EYS: variants seen among roughly 807,000 people sequenced by gnomAD.
EYS encodes the protein EGF-like photoreceptor maintenance factor.
Under a neutral mutation model 282.1 loss-of-function variants are expected in EYS, and 250 were observed. The ratio of observed to expected loss-of-function variants is 0.89; its 90% CI spans 0.80 to 0.98. The LOEUF is 0.98. Ranked by LOEUF, EYS falls within the 50% of genes least tolerant of loss-of-function variation. The pLI is 0.00. For missense variants in EYS, 4,016 were observed against 3,709.0 expected (o/e 1.08, Z -2.15); for synonymous variants, 1,355 against 1,282.9 (o/e 1.06, Z -1.20).
At chr6:64,302,352 T>A (rs1769265563) in intron 30 of EYS, among the ~76,000 whole-genome samples, 1 of 152,166 alleles carries the variant, frequency 6.6e-6, no homozygotes, top group Admixed American at 6.5e-5. Context: ...AGGGTTCTAG[T>A]CCTCTAATCA....
chr6:65,287,194 T>A lies in EYS; in HGVS notation c.2023+8669A>T, dbSNP rs532866625. Among the ~76,000 whole-genome samples the A allele has an allele frequency of 2.0e-5, 3 of 151,590 alleles. No homozygotes were observed. The East Asian group carries it at 5.8e-4, about 29-fold the overall frequency. ...AAACAGAATCAGAAACCAGGTCTCC[T>A]TTAGCTACTTTGGTACAGAATGAAT... On this transcript the variant is annotated intron_variant, in intron 12 of 42. Coordinates refer to ENST00000503581, the MANE Select transcript of EYS (RefSeq NM_001142800.2).
intron 2 of EYS, among the ~76,000 whole-genome samples, chr6:65,508,222 C>A (rs1323781000): frequency 6.6e-6 from 1 of 152,150 alleles, no homozygotes; most frequent in Admixed American, 6.5e-5. Context: ...CTATGATTTG[C>A]AGCTTTCAAC....
intron 2 of EYS, among the ~76,000 whole-genome samples, chr6:65,499,905 A>C (rs1182763173): frequency 6.6e-6 from 1 of 151,976 alleles, no homozygotes; most frequent in Non-Finnish European, 1.5e-5. Context: ...TCTTTAGTAC[A>C]CTGTCTTGAT....
intron 15 of EYS, among the ~76,000 whole-genome samples, chr6:64,939,843 T>C (rs1285063400): frequency 6.6e-6 from 1 of 151,946 alleles, no homozygotes; most frequent in East Asian, 1.9e-4. Flanking sequence ...AACAATTTCA[T>C]AGAACATCAG....
intron 16 of EYS, among the ~76,000 whole-genome samples, chr6:64,907,639 G>A (rs962892688): frequency 7.2e-5 from 11 of 152,098 alleles, no homozygotes; most frequent in Non-Finnish European, 1.3e-4. Flanking sequence ...ATCTCCACAT[G>A]AAGAGAACAT....
At chr6:63,799,011 ATATAT>A (rs1770717597) in intron 37 of EYS, among the ~76,000 whole-genome samples, 4 of 133,006 alleles carry the variant, frequency 3.0e-5, no homozygotes, top group African/African-American at 1.2e-4. Flanking sequence ...ATATATATAT[ATATAT>A]ATATAATTTT....
In EYS at chr6:63,880,554, C is replaced by G. The variant is rs548853371; in HGVS notation, c.7056-16196G>C. On this transcript the variant is annotated intron_variant, in intron 35 of 42. Transcript: ENST00000503581. ...ATTCTGTCCCTTTATGGAAACCTGA[C>G]TAATTCAGGCTTGGACCAATATTTT... Among the ~76,000 whole-genome samples the G allele has an allele frequency of 2.1e-4, 31 of 148,778 alleles. No homozygotes were observed. In the South Asian group the frequency reaches 6.3e-3, roughly 30 times the overall value.
chr6:64,950,637 A>G (rs1769455683), intron 14 of EYS, among the ~76,000 whole-genome samples: 1 of 150,778 alleles, frequency 6.6e-6, no homozygotes, highest in South Asian at 2.1e-4. Context: ...AAAATTCAAT[A>G]CACATTCTAA....
chr6:64,731,703 G>A (rs965294161), intron 22 of EYS, among the ~76,000 whole-genome samples: 3 of 152,106 alleles, frequency 2.0e-5, no homozygotes, highest in Admixed American at 2.0e-4. Flanking sequence ...ATGCTTTTAC[G>A]CTGTTGGTGG....
intron 26 of EYS, among the ~76,000 whole-genome samples, chr6:64,548,745 G>C (rs1316391101): frequency 1.3e-5 from 2 of 152,076 alleles, no homozygotes; most frequent in African/African-American, 4.8e-5. Flanking sequence ...GAGTTAATGG[G>C]TGCAGCACAC....
chr6:65,157,872 T>C (rs1764764460), intron 12 of EYS, among the ~76,000 whole-genome samples: 1 of 150,768 alleles, frequency 6.6e-6, no homozygotes, highest in Non-Finnish European at 1.5e-5. Flanking sequence ...TATATGTCAT[T>C]AAGGTACTGT....
intron 35 of EYS, among the ~76,000 whole-genome samples, chr6:63,952,637 T>C (rs1452524683): frequency 6.6e-6 from 1 of 152,194 alleles, no homozygotes; most frequent in Non-Finnish European, 1.5e-5. Context: ...GCTCCCTTAT[T>C]AGGTTGAGAC....
At chr6:65,586,321 C>G (rs1342250383) in intron 2 of EYS, among the ~76,000 whole-genome samples, 1 of 151,900 alleles carries the variant, frequency 6.6e-6, no homozygotes, top group Admixed American at 6.6e-5. Context: ...ATCTCTTGGT[C>G]AAGTAATTTA....
chr6:65,273,010 T>C lies in EYS; in HGVS notation c.2023+22853A>G, dbSNP rs75249192. Among the ~76,000 whole-genome samples the C allele has an allele frequency of 6.5e-3, 984 of 152,226 alleles. 11 individuals carry two copies. The highest frequency in any genetic ancestry group is 0.023 in the African/African-American group (935 of 41,542). ...GTAAACGTTACTTGAACATAAACAC[T>C]GCAATAACCGTAACAGTCAATTTAA... On this transcript the variant is annotated intron_variant, in intron 12 of 42. Transcript: ENST00000503581.
intron 11 of EYS, among the ~76,000 whole-genome samples, chr6:65,318,884 C>T (rs546119278): frequency 9.3e-5 from 14 of 150,234 alleles, no homozygotes; most frequent in Non-Finnish European, 3.0e-5. Context: ...TCAAGGGATC[C>T]ACCCGCCTTG....
chr6:65,233,151 G>A (rs2150269763), intron 12 of EYS, among the ~76,000 whole-genome samples: 1 of 151,826 alleles, frequency 6.6e-6, no homozygotes, highest in East Asian at 1.9e-4. Flanking sequence ...GTCTTTTTTG[G>A]CTAAATTTAC....
At chr6:65,103,971 C>T (rs1475294199) in intron 12 of EYS, among the ~76,000 whole-genome samples, 1 of 151,286 alleles carries the variant, frequency 6.6e-6, no homozygotes, top group Non-Finnish European at 1.5e-5. Context: ...GTTTGAATGT[C>T]CAGAAATTTT....
intron 22 of EYS, among the ~76,000 whole-genome samples, chr6:64,656,887 T>A (rs1768769985): frequency 6.6e-6 from 1 of 151,794 alleles, no homozygotes; most frequent in Non-Finnish European, 1.5e-5. Context: ...ATGAGAGGAG[T>A]AGGAGTGATA....
chr6:64,962,073 T>C (rs1440181609), intron 14 of EYS, among the ~76,000 whole-genome samples: 1 of 152,168 alleles, frequency 6.6e-6, no homozygotes, highest in Non-Finnish European at 1.5e-5. Context: ...CAAATTATGA[T>C]ATTCTGTTCT....
Sources: gnomAD v4.1 joint callset for allele counts (sites outside exome capture counted in the v4.1 genomes callset) on GRCh38, gnomAD v4.1.1 for gene constraint, MANE v1.5 for transcripts, NCBI Gene and HGNC (gene_info 2026-07-23, HGNC 2026-07-21) for gene names.